The following LYPD6 variants were observed in gnomAD, a reference collection of about 807,000 sequenced individuals.
LYPD6 encodes the protein ly6/PLAUR domain-containing protein 6.
A neutral mutation model predicts 22.7 loss-of-function variants in LYPD6; 15 were observed. The observed-to-expected ratio is 0.66, with a 90% CI of 0.44 to 1.02. The LOEUF (loss-of-function observed/expected upper bound fraction) is 1.02, where lower values mean the gene tolerates loss of function less well. Among genes scored for constraint, LYPD6 ranks in the 50% least tolerant of loss-of-function variants. The probability of loss-of-function intolerance (pLI) is 0.00; values close to 1 mark genes in which losing one functional copy is unlikely to be tolerated. For synonymous variants in LYPD6, 72 were observed against 77.5 expected (o/e 0.93, Z 0.37); for missense variants, 189 against 208.4 (o/e 0.91, Z 0.57).
At chr2:149,406,357 T>G (rs1259491817) in intron 1 of LYPD6, among the ~76,000 whole-genome samples, 4 of 151,912 alleles carry the variant, frequency 2.6e-5, no homozygotes, top group Admixed American at 6.6e-5. Flanking sequence ...ATTATTATTG[T>G]GTGGGAGTCT....
intron 1 of LYPD6, among the ~76,000 whole-genome samples, chr2:149,420,515 G>A (rs1171651454): frequency 1.3e-5 from 2 of 152,174 alleles, no homozygotes; most frequent in East Asian, 3.9e-4. Flanking sequence ...TGGCTGGAAA[G>A]GTAGAGTGTA....
chr2:149,407,352 C>T (rs1016034547), intron 1 of LYPD6, among the ~76,000 whole-genome samples: 1 of 152,282 alleles, frequency 6.6e-6, no homozygotes, highest in South Asian at 2.1e-4. Flanking sequence ...CCATCCTCCC[C>T]ATCACTTTCA....
chr2:149,406,284 A>G (rs1682705987), intron 1 of LYPD6, among the ~76,000 whole-genome samples: 2 of 152,014 alleles, frequency 1.3e-5, no homozygotes. Flanking sequence ...ATTCCTGGGT[A>G]TCTTGTTAAC....
chr2:149,462,107 C>A (rs944016770), intron 3 of LYPD6, among the ~76,000 whole-genome samples: 1 of 149,484 alleles, frequency 6.7e-6, no homozygotes, highest in Non-Finnish European at 1.5e-5. Context: ...TATGACTGTC[C>A]TTTTTCACAG....
intron 1 of LYPD6, among the ~76,000 whole-genome samples, chr2:149,343,156 G>A (rs12468331): frequency 0.28 from 42,014 of 151,934 alleles, 6,420 homozygotes; most frequent in East Asian, 0.61. Context: ...GAAGCAAGCA[G>A]ACTCATTTCC....
At chr2:149,389,955 T>C (rs1682273605) in intron 1 of LYPD6, among the ~76,000 whole-genome samples, 1 of 152,190 alleles carries the variant, frequency 6.6e-6, no homozygotes, top group East Asian at 1.9e-4. Flanking sequence ...TCCCTATCCC[T>C]GGCTCTTGAC....
chr2:149,457,881 A>T (rs1445813583), intron 3 of LYPD6, among the ~76,000 whole-genome samples: 1 of 152,236 alleles, frequency 6.6e-6, no homozygotes, highest in African/African-American at 2.4e-5. Context: ...CACAGTGCTG[A>T]GTTCACTAGG....
intron 1 of LYPD6, among the ~76,000 whole-genome samples, chr2:149,384,461 C>A (rs1352536583): frequency 6.6e-6 from 1 of 152,212 alleles, no homozygotes; most frequent in Admixed American, 6.5e-5. Context: ...CTATGCTAGA[C>A]TGTGATATCT....
intron 3 of LYPD6, among the ~76,000 whole-genome samples, chr2:149,468,154 C>T (rs1283002006): frequency 7.2e-6 from 1 of 139,358 alleles, no homozygotes; most frequent in African/African-American, 2.8e-5. Context: ...CACACACACA[C>T]ACACACACAC....
chr2:149,403,721 A>C (rs1682620325), intron 1 of LYPD6, among the ~76,000 whole-genome samples: 1 of 151,884 alleles, frequency 6.6e-6, no homozygotes, highest in Admixed American at 6.5e-5. Flanking sequence ...TGCTGTGCAG[A>C]AGCTCTTTAG....
intron 1 of LYPD6, among the ~76,000 whole-genome samples, chr2:149,413,675 A>G (rs1329754527): frequency 6.6e-6 from 1 of 152,178 alleles, no homozygotes; most frequent in Non-Finnish European, 1.5e-5. Flanking sequence ...AATTCTCCCA[A>G]TACTCACTGA....
chr2:149,440,272 AACTT>A (rs1683532229), intron 2 of LYPD6: 1 of 155,320 alleles, frequency 6.4e-6, no homozygotes, highest in African/African-American at 2.4e-5. Flanking sequence ...TGCACGGCTG[AACTT>A]ACTTAAAGAG....
At chr2:149,427,398 C>T (rs1313122526) in intron 1 of LYPD6, among the ~76,000 whole-genome samples, 1 of 152,180 alleles carries the variant, frequency 6.6e-6, no homozygotes, top group Non-Finnish European at 1.5e-5. Flanking sequence ...ACCACCCCCT[C>T]CCAATAAATA....
chr2:149,423,445 C>T (rs907353731), intron 1 of LYPD6, among the ~76,000 whole-genome samples: 2 of 152,086 alleles, frequency 1.3e-5, no homozygotes, highest in African/African-American at 4.8e-5. Flanking sequence ...ATTTTAACCA[C>T]CCTGTACATT....
At chr2:149,334,421 G>GTAA (rs1387339838) in intron 1 of LYPD6, among the ~76,000 whole-genome samples, 4 of 152,206 alleles carry the variant, frequency 2.6e-5, no homozygotes, top group African/African-American at 9.7e-5. Context: ...TTTTTGCTGA[G>GTAA]TAATATTCCT....
intron 1 of LYPD6, among the ~76,000 whole-genome samples, chr2:149,422,641 C>G (rs1164650303): frequency 6.6e-6 from 1 of 152,128 alleles, no homozygotes; most frequent in Non-Finnish European, 1.5e-5. Context: ...TAGCAAGTTT[C>G]AAGTATATGA....
At chr2:149,414,228 G>A (rs1224257521) in intron 1 of LYPD6, among the ~76,000 whole-genome samples, 1 of 152,148 alleles carries the variant, frequency 6.6e-6, no homozygotes, top group East Asian at 1.9e-4. Context: ...ATTAGAATAA[G>A]ATATAATTTT....
chr2:149,480,261 C>T, the LYPD6 span, among the ~76,000 whole-genome samples: 1 of 152,112 alleles, frequency 6.6e-6, no homozygotes, highest in African/African-American at 2.4e-5. Context: ...CAGCCTGCCT[C>T]AGCCTCCCAA....
At chr2:149,351,392 T>TA (rs71397025) in intron 1 of LYPD6, among the ~76,000 whole-genome samples, 35,104 of 82,786 alleles carry the variant, frequency 0.42, 7,670 homozygotes, top group East Asian at 0.77. Flanking sequence ...AGACTCCATC[T>TA]AAAAAAAAAA....
Sources: allele counts gnomAD v4.1 joint callset (sites outside exome capture counted in the v4.1 genomes callset), GRCh38; gene constraint gnomAD v4.1.1; transcripts MANE v1.5; gene names NCBI Gene and HGNC (gene_info 2026-07-23, HGNC 2026-07-21).